Variants in COL5A1 observed in about 807,000 individuals in gnomAD.
COL5A1 encodes collagen type V alpha 1 chain.
In COL5A1, 16 loss-of-function variants were observed where a neutral mutation model predicts 263.7. The ratio of observed to expected loss-of-function variants is 0.06; its 90% CI spans 0.04 to 0.09. The LOEUF (loss-of-function observed/expected upper bound fraction) is 0.09. COL5A1 is among the 10% of genes least tolerant of loss of function. The pLI is 1.00. For synonymous variants in COL5A1, 1,012 were observed against 1,004.5 expected, an observed-to-expected ratio of 1.01 and a Z score of -0.14; for missense variants, 2,036 against 2,540.5, an observed-to-expected ratio of 0.80 and a Z score of 4.27.
intron 32 of COL5A1, 38 bp from the exon 33 acceptor site, chr9:134,795,044 T>C: frequency 6.2e-7 from 1 of 1,610,028 alleles, no homozygotes; most frequent in Non-Finnish European, 8.5e-7. Context: ...GGGCCGGGCA[T>C]TTAGAGAGTG....
chr9:134,817,872 C>CT, intron 54 of COL5A1, 41 bp downstream of exon 54: 36 of 1,559,936 alleles, frequency 2.3e-5, no homozygotes, highest in Non-Finnish European at 3.1e-5. Flanking sequence ...CGTAGACCTC[C>CT]CCCAGGGGAG....
chr9:134,769,339 TCTC>T (rs1426232219), intron 25 of COL5A1, among the ~76,000 whole-genome samples: 8 of 152,164 alleles, frequency 5.3e-5, no homozygotes, highest in Non-Finnish European at 2.9e-5. Context: ...AGTGGAGCCT[TCTC>T]ATCCCCACGC....
intron 15 of COL5A1, 30 bp downstream of exon 15, chr9:134,753,933 G>C: frequency 6.2e-7 from 1 of 1,602,016 alleles, no homozygotes; most frequent in South Asian, 1.1e-5. Flanking sequence ...TCGCTGTCTG[G>C]TGGGCGCCTC....
Position 134,741,124 on chromosome 9 carries a change from A to T in COL5A1, c.1494+2316A>T, listed in dbSNP as rs543386448. On this transcript the variant is annotated intron_variant, in intron 11 of 65. Coordinates refer to ENST00000371817, the MANE Select transcript of COL5A1 (RefSeq NM_000093.5). This position sits in a 1 kb window ranked among gnomAD's most constrained non-coding sequence, Gnocchi z 4.5. ...GTCCAGATCTTGCTCGATGCCCGCT[A>T]ATCAGCTGTGAAAGATCACTGGCTA... Among the ~76,000 whole-genome samples the T allele has an allele frequency of 6.6e-6, 1 of 152,190 alleles. No individual in the cohort carries two copies. Among genetic ancestry groups the T allele is most frequent in the Non-Finnish European group, 1.5e-5 (1 of 68,038 alleles).
rs149616140 is a variant in COL5A1 at position 134,809,234 on chromosome 9, G to T, written c.3418G>T (p.Val1140Leu). 6.2e-7 allele frequency: 1 copy of T among 1,607,408 alleles called. No homozygotes were observed. Among genetic ancestry groups the T allele is most frequent in the Middle Eastern group, 1.7e-4 (1 of 5,844 alleles). Reference sequence around the variant, plus strand: ...TGGCCGAGACGGTCTCCAGGGGCCTGTGGGGCTCCCGGGTCCAGCTGGCCC... The same window carrying T: ...TGGCCGAGACGGTCTCCAGGGGCCTTTGGGGCTCCCGGGTCCAGCTGGCCC... ...PAGRDGLQGP[V>L]GLPGPAGPVG... The change falls in exon 43 of 66, where the codon GTG becomes TTG. Residue 1140 changes from valine (V) to leucine (L), a missense_variant. Val to Leu is a conservative substitution (Grantham distance 32). This residue lies in a region of COL5A1 where 1,078 missense variants were observed against 1,521.4 expected (regional missense o/e 0.71). Coordinates refer to ENST00000371817, the MANE Select transcript of COL5A1 (RefSeq NM_000093.5).
At chr9:134,825,674 G>A (rs1473148274) in intron 62 of COL5A1, 118 bp from the exon 63 acceptor site, 10 of 684,282 alleles carry the variant, frequency 1.5e-5, no homozygotes, top group African/African-American at 5.3e-5. Flanking sequence ...CCGTGTTGGC[G>A]GCATTCCTGG....
rs3811154 is a variant in COL5A1 at position 134,802,835 on chromosome 9, C to T, written c.3007-53C>T. On this transcript the variant is annotated intron_variant, in intron 38 of 65. Transcript: ENST00000371817. Reference sequence around the variant, plus strand: ...CCTTAGATTTAGGAAGAGATTCTCACTCCCTTGCAAGTCACTCGAAACGTC... The same window carrying T: ...CCTTAGATTTAGGAAGAGATTCTCATTCCCTTGCAAGTCACTCGAAACGTC... The T allele has an allele frequency of 2.1e-4, 272 of 1,324,284 alleles. 2 individuals are homozygous for T. The East Asian group carries it at 6.3e-3, about 31-fold the overall frequency. 82.0% of individuals were successfully genotyped at this position (1,324,284 alleles called of 1,614,324 possible). A position where few individuals can be genotyped will look rare whatever the true frequency, so the allele number is the denominator to read the frequency against.
At position 134,789,228 on chromosome 9, in the gene COL5A1, T is replaced by G. The variant is rs751299125; in HGVS notation, c.2700+20T>G. The G allele has an allele frequency of 2.2e-5, 35 of 1,609,170 alleles. No individual in the cohort carries two copies. The highest frequency in any genetic ancestry group is 2.6e-5 in the Non-Finnish European group (31 of 1,177,136). On this transcript the variant is annotated intron_variant, in intron 32 of 65. Coordinates refer to ENST00000371817, the MANE Select transcript of COL5A1 (RefSeq NM_000093.5). The surrounding 1 kb of genome is among the most constrained non-coding windows in gnomAD (Gnocchi z 4.8). ...GGCAGGGTAAGGATAGCCTGGCCCCTGGGCAGGCAGCTTGTTCGGCTGCCT... is the reference window on the plus strand; with the variant it reads ...GGCAGGGTAAGGATAGCCTGGCCCCGGGGCAGGCAGCTTGTTCGGCTGCCT...
Position 134,843,771 on chromosome 9 carries a change from G to A in COL5A1, c.*1468G>A, listed in dbSNP as rs569508602. ...GTTCAGTCATGCCATGCGCTGCCTC[G>A]GTAGATGGAGTAATGTACAATGAAC... is the stretch of plus-strand genomic sequence containing the variant. On this transcript the variant is annotated 3_prime_UTR_variant, in exon 66 of 66. Coordinates refer to ENST00000371817, the MANE Select transcript of COL5A1 (RefSeq NM_000093.5). The A allele has an allele frequency of 3.3e-5, 5 of 152,828 alleles. No individual in the cohort carries two copies. Among genetic ancestry groups the A allele is most frequent in the East Asian group, 3.9e-4 (2 of 5,192 alleles). The allele number at this position is 152,828 out of a possible 1,614,324, so 9.5% of individuals were successfully genotyped here.
intron 63 of COL5A1, among the ~76,000 whole-genome samples, chr9:134,828,527 CACATACCACACACCACAGAGAT>C (rs923609893): frequency 1.3e-5 from 2 of 151,134 alleles, no homozygotes; most frequent in Non-Finnish European, 3.0e-5. Context: ...ATACACGATA[CACATACCACACACCACAGAGAT>C]ACGCACCACA....
chr9:134,824,892 C>T (rs377723316), intron 62 of COL5A1, 37 bp downstream of exon 62: 166 of 1,585,972 alleles, frequency 1.0e-4, no homozygotes, highest in African/African-American at 9.5e-4. Context: ...CCCCCCAAAG[C>T]GGGCATGGAC....
intron 16 of COL5A1, 22 bp from the exon 17 acceptor site, chr9:134,756,743 G>A (rs560329789): frequency 3.7e-6 from 6 of 1,613,610 alleles, no homozygotes; most frequent in Non-Finnish European, 5.1e-6. Flanking sequence ...TTGCATTGAC[G>A]GTTTTGCCTC....
At position 134,757,534 on chromosome 9, in the gene COL5A1, G is replaced by A. The variant is rs987762072; in HGVS notation, c.1882-709G>A. 7.2e-5 allele frequency among the ~76,000 whole-genome samples: 11 copies of A among 152,296 alleles called. No individual in the cohort carries two copies. Among genetic ancestry groups the A allele is most frequent in the African/African-American group, 2.2e-4 (9 of 41,558 alleles). On this transcript the variant is annotated intron_variant, in intron 17 of 65. Coordinates refer to ENST00000371817, the MANE Select transcript of COL5A1 (RefSeq NM_000093.5). The surrounding 1 kb of genome is among the most constrained non-coding windows in gnomAD (Gnocchi z 6.2). ...CTACACCTGTTCCCTCTTAACGGGC[G>A]TGGATGAGCTCTGAAGTGCATCCCG...
chr9:134,749,273 G>A lies in COL5A1; in HGVS notation c.1495-1269G>A, dbSNP rs141389618. Among the ~76,000 whole-genome samples the A allele has an allele frequency of 6.0e-3, 912 of 152,306 alleles. 7 individuals carry two copies. Among genetic ancestry groups the A allele is most frequent in the African/African-American group, 0.02 (830 of 41,560 alleles). On this transcript the variant is annotated intron_variant, in intron 11 of 65. Transcript: ENST00000371817. ...AAAAACAAAACTCCGAAGCCACACA[G>A]CCTCATAGTGATGAATGTGTTAGTT...
At chr9:134,663,874 G>A (rs914955979) in intron 1 of COL5A1, among the ~76,000 whole-genome samples, 1 of 152,218 alleles carries the variant, frequency 6.6e-6, no homozygotes, top group African/African-American at 2.4e-5. Flanking sequence ...ATACTGCAAG[G>A]GCAGGGGTGT....
intron 54 of COL5A1, 125 bp downstream of exon 54, chr9:134,817,956 A>G: frequency 1.0e-6 from 1 of 979,782 alleles, no homozygotes; most frequent in Non-Finnish European, 1.6e-6. Context: ...CCCCAGGGGC[A>G]CCTGGCTCAT....
chr9:134,815,807 A>G lies in COL5A1; in HGVS notation c.4069-128A>G, dbSNP rs1838724463. On this transcript the variant is annotated intron_variant, in intron 51 of 65. Transcript: ENST00000371817. ...CAAGAAAACGCCTTTGACCCCACTG[A>G]CCATGCTCTGTGCTGGCACCAGAAT... The G allele has an allele frequency of 7.6e-6, 10 of 1,315,936 alleles. No individual in the cohort carries two copies. The East Asian group carries it at 2.4e-4, about 32-fold the overall frequency. The allele number at this position is 1,315,936 out of a possible 1,614,324, so 81.5% of individuals were successfully genotyped here.
At chr9:134,729,527 C>T (rs545629768) in intron 6 of COL5A1, among the ~76,000 whole-genome samples, 4 of 143,056 alleles carry the variant, frequency 2.8e-5, no homozygotes, top group Admixed American at 7.0e-5. Flanking sequence ...TGTGTGTGAG[C>T]GTGTGTGCAT....
intron 30 of COL5A1, 64 bp downstream of exon 30, chr9:134,785,160 C>G (rs1414756697): frequency 7.3e-7 from 1 of 1,379,070 alleles, no homozygotes; most frequent in Non-Finnish European, 1.0e-6. Context: ...TCCCCATGGC[C>G]TCGGGCTCCC....
Sources: gnomAD v4.1 joint callset for allele counts (sites outside exome capture counted in the v4.1 genomes callset) on GRCh38, gnomAD v4.1.1 for gene constraint, gnomAD v4.1.1 regional missense constraint, Gnocchi (gnomAD v3.1) non-coding constraint, MANE v1.5 for transcripts, NCBI Gene and HGNC (gene_info 2026-07-23, HGNC 2026-07-21) for gene names.